PGM5: variants seen among roughly 807,000 people sequenced by gnomAD.
PGM5 encodes phosphoglucomutase-like protein 5.
PGM5 carries 23 observed loss-of-function variants against 59.2 expected under a neutral mutation model. That is an observed-to-expected ratio of 0.39 (90% confidence interval 0.28 to 0.55). The LOEUF (loss-of-function observed/expected upper bound fraction) is 0.55, where lower values mean the gene tolerates loss of function less well. Ranked by LOEUF, PGM5 falls within the 20% of genes least tolerant of loss-of-function variation. PGM5 has a pLI of 0.66. For missense variants in PGM5, 574 were observed against 748.3 expected (o/e 0.77, Z 2.72); for synonymous variants, 214 against 286.0 (o/e 0.75, Z 2.54).
chr9:68,413,783 A>T (rs1167218475), intron 6 of PGM5, among the ~76,000 whole-genome samples: 1 of 152,220 alleles, frequency 6.6e-6, no homozygotes, highest in African/African-American at 2.4e-5. Flanking sequence ...GCAGGAACTC[A>T]TCTCTTAACA....
Position 68,391,640 on chromosome 9 carries a change from C to T in PGM5, c.804C>T (p.Asp268=). The T allele has an allele frequency of 1.2e-6, 2 of 1,613,338 alleles. No individual in the cohort carries two copies. The highest frequency in any genetic ancestry group is 1.3e-5 in the African/African-American group (1 of 74,972). The part of the protein sequence containing the change: ...PLEDFGGQHP[D]PNLTYATTLL... ...AAGACTTTGGAGGGCAGCACCCTGACCCAAACCTGACATATGCAACGACTC... is the reference window on the plus strand; with the variant it reads ...AAGACTTTGGAGGGCAGCACCCTGATCCAAACCTGACATATGCAACGACTC... Residue 268 remains aspartate (D), a synonymous_variant, in exon 5 of 11, where the codon GAC becomes GAT. Transcript: ENST00000396396.
At chr9:68,446,139 G>A (rs1255673538) in intron 6 of PGM5, among the ~76,000 whole-genome samples, 1 of 151,010 alleles carries the variant, frequency 6.6e-6, no homozygotes, top group Non-Finnish European at 1.5e-5. Context: ...CCAGAGGCCT[G>A]ACCAAATGAA....
intron 1 of PGM5, among the ~76,000 whole-genome samples, chr9:68,375,480 C>G (rs7048597): frequency 6.6e-6 from 1 of 152,006 alleles, no homozygotes; most frequent in Non-Finnish European, 1.5e-5. Flanking sequence ...ACACTCGACT[C>G]GAAGAGTCTC....
chr9:68,512,559 C>G (rs566171574), intron 10 of PGM5, among the ~76,000 whole-genome samples: 17 of 152,284 alleles, frequency 1.1e-4, no homozygotes, highest in African/African-American at 4.1e-4. Context: ...TCATAGATGG[C>G]TGTCTTTTCC....
chr9:68,396,039 T>G (rs1822492470), intron 6 of PGM5: 1 of 151,766 alleles, frequency 6.6e-6, no homozygotes, highest in South Asian at 2.1e-4. Flanking sequence ...GAACTCAGAG[T>G]CATATAGGAT....
At chr9:68,366,728 C>T (rs1384316639) in intron 1 of PGM5, among the ~76,000 whole-genome samples, 7 of 151,888 alleles carry the variant, frequency 4.6e-5, no homozygotes, top group Non-Finnish European at 7.4e-5. Context: ...CGCCTAGCCT[C>T]CTAGGGTTTA....
At chr9:68,371,187 C>A (rs1231190771) in intron 1 of PGM5, among the ~76,000 whole-genome samples, 1 of 152,188 alleles carries the variant, frequency 6.6e-6, no homozygotes, top group Non-Finnish European at 1.5e-5. Context: ...TGAGGTTGCC[C>A]TTCTTCCAGC....
At chr9:68,362,624 C>G (rs1246955446) in intron 1 of PGM5, among the ~76,000 whole-genome samples, 1 of 151,658 alleles carries the variant, frequency 6.6e-6, no homozygotes, top group East Asian at 1.9e-4. Flanking sequence ...TGCTTCAGAG[C>G]CTCTTCAGTG....
At chr9:68,474,175 A>AT (rs529902198) in intron 7 of PGM5, among the ~76,000 whole-genome samples, 6 of 152,036 alleles carry the variant, frequency 3.9e-5, no homozygotes, top group Admixed American at 2.0e-4. Flanking sequence ...GAGCATTTGT[A>AT]TTTTTTTAAA....
At chr9:68,521,948 A>G (rs2132119671) in intron 10 of PGM5, among the ~76,000 whole-genome samples, 1 of 152,210 alleles carries the variant, frequency 6.6e-6, no homozygotes, top group East Asian at 1.9e-4. Context: ...AGCCAATTAG[A>G]GCTCACATTT....
rs1554675820 is a variant in PGM5, at chr9:68,357,348, C to T, written c.221C>T (p.Thr74Met). ...VGSDGRYFSR[T>M]AIEIVVQMAA... ...AGCGACGGCAGGTACTTTAGCAGGACGGCCATCGAGATCGTGGTGCAGATG... is the reference window on the plus strand; with the variant it reads ...AGCGACGGCAGGTACTTTAGCAGGATGGCCATCGAGATCGTGGTGCAGATG... Residue 74 changes from threonine to methionine, a missense_variant, in exon 1 of 11, where the codon ACG becomes ATG. Physicochemically the swap from Thr to Met is moderately conservative, Grantham distance 81. Transcript: ENST00000396396. 4 of 1,561,040 alleles carry T rather than the reference C, an allele frequency of 2.6e-6. No individual in the cohort carries two copies. The highest frequency in any genetic ancestry group is 4.6e-4 in the Middle Eastern group (2 of 4,382).
chr9:68,420,036 G>A (rs1823101580), intron 6 of PGM5, among the ~76,000 whole-genome samples: 1 of 152,150 alleles, frequency 6.6e-6, no homozygotes, highest in South Asian at 2.1e-4. Flanking sequence ...GTTTGGACCT[G>A]TCACTGCTTG....
intron 7 of PGM5, among the ~76,000 whole-genome samples, chr9:68,470,266 T>C (rs1471675110): frequency 6.6e-6 from 1 of 152,210 alleles, no homozygotes; most frequent in Non-Finnish European, 1.5e-5. Flanking sequence ...CCAGCTTTAG[T>C]GATCTTTTGT....
intron 2 of PGM5, among the ~76,000 whole-genome samples, chr9:68,378,571 A>G (rs1464335986): frequency 9.9e-5 from 15 of 152,130 alleles, no homozygotes; most frequent in African/African-American, 3.6e-4. Context: ...TGTACTCTTC[A>G]GCATAAACTA....
At chr9:68,417,310 C>T (rs1470957032) in intron 6 of PGM5, among the ~76,000 whole-genome samples, 1 of 152,176 alleles carries the variant, frequency 6.6e-6, no homozygotes, top group Non-Finnish European at 1.5e-5. Flanking sequence ...ATGCCTTCAG[C>T]TTTCAGGCTG....
chr9:68,375,948 T>G (rs1554677596), intron 1 of PGM5, among the ~76,000 whole-genome samples: 1 of 152,154 alleles, frequency 6.6e-6, no homozygotes, highest in African/African-American at 2.4e-5. Flanking sequence ...TCATGTTTGG[T>G]ATGTTTGAGG....
chr9:68,458,917 G>A (rs539085034), intron 6 of PGM5, among the ~76,000 whole-genome samples: 8 of 152,190 alleles, frequency 5.3e-5, no homozygotes, highest in Middle Eastern at 3.4e-3. Flanking sequence ...TTCTTGAAAA[G>A]GCTTTTAAAG....
In PGM5 at chr9:68,387,505, G is replaced by C. The variant is rs566016535; in HGVS notation, c.614G>C (p.Arg205Pro). Residue 205 changes from arginine (R) to proline (P), a missense_variant, in exon 4 of 11, where the codon CGG (arginine) becomes CCG (proline). Arg to Pro is a moderately radical substitution (Grantham distance 103). This residue lies in a region of PGM5 where 103 missense variants were observed against 112.4 expected (regional missense o/e 0.92). Coordinates refer to ENST00000396396, the MANE Select transcript of PGM5 (RefSeq NM_021965.4). ...DPVDIYLNLL[R>P]TIFDFHAIKG... Reference sequence around the variant, plus strand: ...GTGGATATCTATCTTAACCTCCTTCGGACCATCTTTGACTTTCATGCCATC... The same window carrying C: ...GTGGATATCTATCTTAACCTCCTTCCGACCATCTTTGACTTTCATGCCATC... 2 of 1,611,876 alleles carry C rather than the reference G, an allele frequency of 1.2e-6. No individual in the cohort carries two copies. The highest frequency in any genetic ancestry group is 1.7e-6 in the Non-Finnish European group (2 of 1,178,462).
At chr9:68,521,774 A>G (rs1278830995) in intron 10 of PGM5, among the ~76,000 whole-genome samples, 1 of 152,202 alleles carries the variant, frequency 6.6e-6, no homozygotes, top group Non-Finnish European at 1.5e-5. Context: ...ATGGCCAGGG[A>G]AACAGTCCTA....
Sources: allele counts gnomAD v4.1 joint callset (sites outside exome capture counted in the v4.1 genomes callset), GRCh38; gene constraint gnomAD v4.1.1; regional missense constraint gnomAD v4.1.1; transcripts MANE v1.5; gene names NCBI Gene and HGNC (gene_info 2026-07-23, HGNC 2026-07-21).